The following EYS variants were observed in gnomAD, a reference collection of about 807,000 sequenced individuals.
EYS encodes protein eyes shut homolog.
Under a neutral mutation model 282.1 loss-of-function variants are expected in EYS, and 250 were observed. That is an observed-to-expected ratio of 0.89 (90% CI 0.80 to 0.98). The LOEUF (loss-of-function observed/expected upper bound fraction) is 0.98, where lower values mean the gene tolerates loss of function less well. Among genes scored for constraint, EYS ranks in the 50% least tolerant of loss-of-function variants. The probability of loss-of-function intolerance (pLI) is 0.00; values close to 1 mark genes in which losing one functional copy is unlikely to be tolerated. For synonymous variants in EYS, 1,355 were observed against 1,282.9 expected (o/e 1.06, Z -1.20); for missense variants, 4,016 against 3,709.0 (o/e 1.08, Z -2.15).
intron 13 of EYS, among the ~76,000 whole-genome samples, chr6:65,014,463 T>C (rs193020528): frequency 6.7e-6 from 1 of 149,200 alleles, no homozygotes; most frequent in Non-Finnish European, 1.5e-5. Context: ...TTCAGTGCTA[T>C]TGGAAAGCCT....
chr6:65,524,542 C>T (rs556942813), intron 2 of EYS, among the ~76,000 whole-genome samples: 1 of 152,268 alleles, frequency 6.6e-6, no homozygotes, highest in East Asian at 1.9e-4. Context: ...GATGTTGCCA[C>T]CTAGCTGGTA....
intron 33 of EYS, among the ~76,000 whole-genome samples, chr6:64,065,529 A>G (rs1771334695): frequency 6.6e-6 from 1 of 152,218 alleles, no homozygotes; most frequent in African/African-American, 2.4e-5. Context: ...ATGAATTCAA[A>G]GACTGATTTC....
At chr6:65,695,632 GTTA>G (rs200950432) in intron 1 of EYS, among the ~76,000 whole-genome samples, 5 of 106,680 alleles carry the variant, frequency 4.7e-5, no homozygotes, top group East Asian at 2.6e-4. Context: ...GTCAATCATT[GTTA>G]TTTTTTTTTT....
Position 65,545,978 on chromosome 6 carries a change from T to A in EYS, c.-332-49985A>T, listed in dbSNP as rs536443238. On this transcript the variant is annotated intron_variant, in intron 2 of 42. Coordinates refer to ENST00000503581, the MANE Select transcript of EYS (RefSeq NM_001142800.2). ...CTTATAAGCATCTTGGCAAACCTTT[T>A]TAGATTTGTAAAAAATTTAATTAAA... Among the ~76,000 whole-genome samples the A allele has an allele frequency of 2.6e-5, 4 of 152,166 alleles. No individual in the cohort carries two copies. In the South Asian group the frequency reaches 8.3e-4, roughly 32 times the overall value.
At chr6:64,772,637 T>C (rs1247856124) in intron 22 of EYS, among the ~76,000 whole-genome samples, 1 of 151,762 alleles carries the variant, frequency 6.6e-6, no homozygotes. Context: ...ATCCATTAAC[T>C]ATCCCTACGT....
intron 2 of EYS, among the ~76,000 whole-genome samples, chr6:65,501,038 T>TA (rs1321152471): frequency 3.3e-5 from 5 of 152,016 alleles, no homozygotes; most frequent in Non-Finnish European, 7.4e-5. Context: ...GTCAGTATTT[T>TA]AAAAATATTT....
At chr6:65,004,992 G>A (rs1400405605) in intron 13 of EYS, among the ~76,000 whole-genome samples, 7 of 147,656 alleles carry the variant, frequency 4.7e-5, no homozygotes, top group Admixed American at 2.0e-4. Flanking sequence ...TAGATTATTG[G>A]GCAACCCCCT....
intron 22 of EYS, among the ~76,000 whole-genome samples, chr6:64,682,355 G>T (rs548039711): frequency 1.2e-4 from 19 of 152,172 alleles, no homozygotes; most frequent in Non-Finnish European, 2.1e-4. Flanking sequence ...GAGACAGAGG[G>T]AGACTCCATC....
chr6:64,450,014 C>A (rs1775266495), intron 26 of EYS, among the ~76,000 whole-genome samples: 1 of 152,006 alleles, frequency 6.6e-6, no homozygotes, highest in South Asian at 2.1e-4. Context: ...CAATACTAAC[C>A]TTAAATGTAA....
intron 36 of EYS, among the ~76,000 whole-genome samples, chr6:63,846,620 A>G (rs1406249359): frequency 6.6e-6 from 1 of 152,226 alleles, no homozygotes; most frequent in African/African-American, 2.4e-5. Flanking sequence ...TGTTTAATCA[A>G]GAATACAAAT....
intron 31 of EYS, among the ~76,000 whole-genome samples, chr6:64,085,912 G>A (rs976234253): frequency 2.6e-5 from 4 of 151,994 alleles, no homozygotes; most frequent in African/African-American, 7.2e-5. Flanking sequence ...GTTCTTCATC[G>A]GTGCTTATGA....
chr6:64,067,799 A>G (rs182335239), intron 32 of EYS, among the ~76,000 whole-genome samples: 34 of 152,250 alleles, frequency 2.2e-4, no homozygotes, highest in Admixed American at 1.2e-3. Flanking sequence ...GTTTTGGCTC[A>G]ATGTTATGTT....
intron 19 of EYS, among the ~76,000 whole-genome samples, chr6:64,847,126 C>T (rs1765740144): frequency 6.6e-6 from 1 of 152,098 alleles, no homozygotes; most frequent in South Asian, 2.1e-4. Context: ...TGCCTTGAGA[C>T]TTGGACTTGG....
Position 64,855,763 on chromosome 6 carries a change from A to T in EYS, c.2992+30934T>A, listed in dbSNP as rs573071704. 3.9e-5 allele frequency among the ~76,000 whole-genome samples: 6 copies of T among 152,288 alleles called. No homozygotes were observed. In the South Asian group the frequency reaches 1.2e-3, roughly 32 times the overall value. On this transcript the variant is annotated intron_variant, in intron 19 of 42. Transcript: ENST00000503581. ...ATAGTTTCACTACTCTCAAAATCCC[A>T]TGTGCTTTACCACTTTCCTCCCCTC...
chr6:64,925,021 A>T (rs1047076427), intron 15 of EYS, among the ~76,000 whole-genome samples: 4 of 152,066 alleles, frequency 2.6e-5, no homozygotes, highest in African/African-American at 9.7e-5. Context: ...GGTACCATTT[A>T]CTGTATTAGT....
At chr6:64,820,717 G>A (rs1397113485) in intron 21 of EYS, among the ~76,000 whole-genome samples, 4 of 152,028 alleles carry the variant, frequency 2.6e-5, no homozygotes, top group African/African-American at 9.7e-5. Flanking sequence ...CAAAATAAAT[G>A]TAAATTGAGA....
intron 31 of EYS, among the ~76,000 whole-genome samples, chr6:64,200,329 A>C (rs1442724425): frequency 6.6e-6 from 1 of 152,190 alleles, no homozygotes; most frequent in Non-Finnish European, 1.5e-5. Flanking sequence ...TAAAGTATCT[A>C]CTTTAGTTAA....
chr6:64,268,876 G>T (rs1767850683), intron 30 of EYS, among the ~76,000 whole-genome samples: 1 of 152,150 alleles, frequency 6.6e-6, no homozygotes. Flanking sequence ...TTGGAAGAGA[G>T]AATTGATAAA....
intron 1 of EYS, among the ~76,000 whole-genome samples, chr6:65,660,107 A>G (rs1241646777): frequency 6.6e-6 from 1 of 151,798 alleles, no homozygotes; most frequent in African/African-American, 2.4e-5. Flanking sequence ...GAATTTTAAA[A>G]TGGTGTCAAA....
Sources: allele counts gnomAD v4.1 joint callset (sites outside exome capture counted in the v4.1 genomes callset), GRCh38; gene constraint gnomAD v4.1.1; transcripts MANE v1.5; gene names NCBI Gene and HGNC (gene_info 2026-07-23, HGNC 2026-07-21).